LRP1B: variants seen among roughly 807,000 people sequenced by gnomAD.
LRP1B encodes the protein low-density lipoprotein receptor-related protein 1B.
A neutral mutation model predicts 556.6 loss-of-function variants in LRP1B; 217 were observed. That is an observed-to-expected ratio of 0.39 (90% CI 0.35 to 0.44). LRP1B has a LOEUF of 0.44. Among genes scored for constraint, LRP1B ranks in the 20% least tolerant of loss-of-function variants. The pLI is 1.00. For missense variants in LRP1B, 5,053 were observed against 5,620.8 expected (o/e 0.90, Z 3.23); for synonymous variants, 2,047 against 1,865.8 (o/e 1.10, Z -2.50).
At chr2:140,238,057 G>T in intron 89 of LRP1B, 95 bp downstream of exon 89, 1 of 1,128,378 alleles carries the variant, frequency 8.9e-7, no homozygotes, top group Non-Finnish European at 1.2e-6. Flanking sequence ...TCTAACTTCA[G>T]ATAACAGAAA....
chr2:140,869,913 T>TTTTTTGAATTAAAGG (rs1463045129), intron 25 of LRP1B, among the ~76,000 whole-genome samples: 39 of 152,278 alleles, frequency 2.6e-4, no homozygotes, highest in Non-Finnish European at 3.1e-4. Context: ...TTTGGCATGC[T>TTTTTTGAATTAAAGG]AAGCACTTTT....
At chr2:140,934,289 C>T (rs1695138954) in intron 20 of LRP1B, among the ~76,000 whole-genome samples, 1 of 152,016 alleles carries the variant, frequency 6.6e-6, no homozygotes, top group Non-Finnish European at 1.5e-5. Context: ...GTGCTTTACT[C>T]TCAATAAAAT....
At chr2:140,304,770 A>G (rs1330110912) in intron 83 of LRP1B, among the ~76,000 whole-genome samples, 1 of 152,152 alleles carries the variant, frequency 6.6e-6, no homozygotes, top group Non-Finnish European at 1.5e-5. Context: ...GTTTTCTTCT[A>G]GGGTTTTTAT....
At chr2:140,864,360 T>C (rs1359868924) in intron 27 of LRP1B, among the ~76,000 whole-genome samples, 3 of 152,072 alleles carry the variant, frequency 2.0e-5, no homozygotes, top group Non-Finnish European at 2.9e-5. Flanking sequence ...TGAGTCCTTA[T>C]GGTGTTAACT....
chr2:141,529,028 A>G (rs1386481251), intron 2 of LRP1B, among the ~76,000 whole-genome samples: 1 of 152,194 alleles, frequency 6.6e-6, no homozygotes, highest in Non-Finnish European at 1.5e-5. Flanking sequence ...ATTCTGTGAA[A>G]GGGCCTCAGC....
At chr2:140,791,836 G>T (rs79841651) in intron 32 of LRP1B, among the ~76,000 whole-genome samples, 9,821 of 152,136 alleles carry the variant, frequency 0.065, 813 homozygotes, top group African/African-American at 0.18. Flanking sequence ...CCCAAAACAT[G>T]CCACTTTGGT....
chr2:140,527,948 T>G (rs1690508654), intron 47 of LRP1B, among the ~76,000 whole-genome samples: 1 of 151,970 alleles, frequency 6.6e-6, no homozygotes. Flanking sequence ...ATGATATTCC[T>G]AAGTAAGCCT....
At chr2:141,806,514 C>T (rs1369191098) in intron 2 of LRP1B, among the ~76,000 whole-genome samples, 2 of 151,792 alleles carry the variant, frequency 1.3e-5, no homozygotes, top group Non-Finnish European at 1.5e-5. Flanking sequence ...TAAAATTTTC[C>T]AATTGTGTAT....
In LRP1B at chr2:142,122,329, G is replaced by A. The variant is rs534222318; in HGVS notation, c.82+8319C>T. On this transcript the variant is annotated intron_variant, in intron 1 of 90. Coordinates refer to ENST00000389484, the MANE Select transcript of LRP1B (RefSeq NM_018557.3). The stretch of plus-strand genomic sequence containing the variant: ...TAGCAAGTGAAAATAGGAAGAAAAC[G>A]TGCTAGGAGAAGGAACTGTAGAATT... 9.5e-4 allele frequency among the ~76,000 whole-genome samples: 145 copies of A among 152,242 alleles called. 1 individual carries two copies. The highest frequency in any genetic ancestry group is 3.3e-3 in the African/African-American group (137 of 41,556).
At chr2:140,842,792 A>G (rs1299540669) in intron 29 of LRP1B, among the ~76,000 whole-genome samples, 1 of 152,068 alleles carries the variant, frequency 6.6e-6, no homozygotes, top group Non-Finnish European at 1.5e-5. Flanking sequence ...GTTCAGGTTG[A>G]CTGCCTATTT....
chr2:141,370,584 T>C (rs1219704723), intron 3 of LRP1B, among the ~76,000 whole-genome samples: 1 of 152,204 alleles, frequency 6.6e-6, no homozygotes, highest in Non-Finnish European at 1.5e-5. Context: ...AAATATTTTC[T>C]CCCATTCTGC....
chr2:140,907,289 T>G (rs911335131), intron 22 of LRP1B, among the ~76,000 whole-genome samples: 2 of 152,108 alleles, frequency 1.3e-5, no homozygotes, highest in Admixed American at 1.3e-4. Context: ...TGCTGGTTGG[T>G]AAGAAAGATT....
rs573973392 is a variant in LRP1B at position 141,772,240 on chromosome 2, A to G, written c.205+38039T>C. On this transcript the variant is annotated intron_variant, in intron 2 of 90. Coordinates refer to ENST00000389484, the MANE Select transcript of LRP1B (RefSeq NM_018557.3). ...CTCAGCTTCCAAAACTGTGAGAAAT[A>G]TATTTCTTTTGTTTAAGCCACCCAA... is the stretch of plus-strand genomic sequence containing the variant. Among the ~76,000 whole-genome samples, 7 of 152,298 alleles carry G rather than the reference A, an allele frequency of 4.6e-5. No individual in the cohort carries two copies. In the East Asian group the frequency reaches 1.2e-3, roughly 25 times the overall value.
At chr2:140,671,382 A>G (rs1019464589) in intron 41 of LRP1B, among the ~76,000 whole-genome samples, 16 of 152,130 alleles carry the variant, frequency 1.1e-4, no homozygotes, top group Admixed American at 9.2e-4. Context: ...TTAGCCGGGC[A>G]TGATGGCGGG....
intron 6 of LRP1B, among the ~76,000 whole-genome samples, chr2:141,210,317 G>C (rs2105249879): frequency 6.6e-6 from 1 of 151,786 alleles, no homozygotes; most frequent in Non-Finnish European, 1.5e-5. Flanking sequence ...ATTTTAAAAT[G>C]ACAATAATTA....
At chr2:140,772,913 C>G (rs1689365096) in intron 33 of LRP1B, among the ~76,000 whole-genome samples, 1 of 151,820 alleles carries the variant, frequency 6.6e-6, no homozygotes, top group Non-Finnish European at 1.5e-5. Context: ...CTGAGACAAG[C>G]CTGTCTCAAA....
chr2:140,813,866 T>G, intron 31 of LRP1B, 60 bp from the exon 32 acceptor site: 1 of 1,234,290 alleles, frequency 8.1e-7, no homozygotes, highest in East Asian at 2.4e-5. Flanking sequence ...AATATCCACC[T>G]AGCACCACTG....
rs1680113305 is a variant in LRP1B, at chr2:140,541,032, C to T, written c.7454G>A (p.Gly2485Glu). ...CHDLCLLTPN[G>E]RVNCSCRGDR... ...CCCTCTGCAGGAACAATTCACTCTC[C>T]CATTGGGAGTTAAAAGGCACAAGTC... The change falls in exon 45 of 91, where the codon GGG becomes GAG. Residue 2485 changes from glycine (G) to glutamate (E), a missense_variant. Physicochemically the swap from Gly to Glu is moderately conservative, Grantham distance 98 (BLOSUM62 -2). Transcript: ENST00000389484. 1 of 1,611,800 alleles carries T rather than the reference C, an allele frequency of 6.2e-7. No individual in the cohort carries two copies. The highest frequency in any genetic ancestry group is 8.5e-7 in the Non-Finnish European group (1 of 1,178,470).
intron 1 of LRP1B, among the ~76,000 whole-genome samples, chr2:142,092,295 G>A (rs1314382290): frequency 6.6e-6 from 1 of 151,588 alleles, no homozygotes; most frequent in African/African-American, 2.4e-5. Flanking sequence ...TGTACTTTCT[G>A]CCAGGTAACT....
Sources: gnomAD v4.1 joint callset for allele counts (sites outside exome capture counted in the v4.1 genomes callset) on GRCh38, gnomAD v4.1.1 for gene constraint, MANE v1.5 for transcripts, NCBI Gene and HGNC (gene_info 2026-07-23, HGNC 2026-07-21) for gene names.